The following NHLH2 variants were observed in gnomAD, a reference collection of about 807,000 sequenced individuals.
The protein encoded by NHLH2 is helix-loop-helix protein 2.
Under a neutral mutation model 7.3 loss-of-function variants are expected in NHLH2, and 7 were observed. The observed-to-expected ratio is 0.96, with a 90% confidence interval of 0.55 to 1.81. NHLH2 has a LOEUF of 1.81. NHLH2 is among the 40% of genes most tolerant of loss of function. The pLI is 0.00. For synonymous variants in NHLH2, 93 were observed against 91.6 expected, an observed-to-expected ratio of 1.01 and a Z score of -0.09; for missense variants, 155 against 194.0, an observed-to-expected ratio of 0.80 and a Z score of 1.19.
intron 2 of NHLH2, 144 bp from the exon 3 acceptor site, chr1:115,838,524 G>T: frequency 1.1e-6 from 1 of 888,294 alleles, no homozygotes; most frequent in East Asian, 2.9e-5. Flanking sequence ...CGCGACGCGG[G>T]AGGGCGCCGA....
At chr1:115,832,388 A>G (rs1400124737), downstream of NHLH2, among the ~76,000 whole-genome samples, 1 of 152,246 alleles carries the variant, frequency 6.6e-6, no homozygotes, top group Non-Finnish European at 1.5e-5. Context: ...AATCATTACT[A>G]TATTAAAGAA....
At chr1:115,835,922 T>C (rs974129366), downstream of NHLH2, among the ~76,000 whole-genome samples, 5 of 152,118 alleles carry the variant, frequency 3.3e-5, no homozygotes, top group Non-Finnish European at 7.4e-5. Context: ...ACAATAGTAA[T>C]ACACACCTTG....
At chr1:115,833,467 A>G (rs1650796671), downstream of NHLH2, among the ~76,000 whole-genome samples, 1 of 151,482 alleles carries the variant, frequency 6.6e-6, no homozygotes, top group Admixed American at 6.6e-5. Context: ...GGAAAGATGC[A>G]GTGCAGGCAC....
At position 115,837,928 on chromosome 1, in the gene NHLH2, A is replaced by G; in HGVS notation, c.*37T>C. On this transcript the variant is annotated 3_prime_UTR_variant, in exon 3 of 3. Transcript: ENST00000320238. ...CGTCCGGATCCGTAGCGTTTCGCGG[A>G]CGCCGGGACAGGCGGCCCCCCGCGG... 3.2e-6 allele frequency: 5 copies of G among 1,575,250 alleles called. No homozygotes were observed. Among genetic ancestry groups the G allele is most frequent in the African/African-American group, 1.4e-5 (1 of 71,406 alleles).
Position 115,838,109 on chromosome 1 carries a change from G to A in NHLH2, c.264C>T (p.Ile88=). 1.2e-6 allele frequency: 2 copies of A among 1,606,432 alleles called. No homozygotes were observed. The highest frequency in any genetic ancestry group is 1.4e-5 in the African/African-American group (1 of 73,612). ...YRSAHATRER[I]RVEAFNLAFA... is the part of the protein sequence containing the mutation. ...AGGCCAAGTTGAAGGCTTCCACGCGGATGCGCTCGCGGGTGGCGTGGGCCG... is the reference window on the plus strand; with the variant it reads ...AGGCCAAGTTGAAGGCTTCCACGCGAATGCGCTCGCGGGTGGCGTGGGCCG... Residue 88 remains isoleucine, a synonymous_variant, in exon 3 of 3, where the codon ATC becomes ATT. Transcript: ENST00000320238.
At position 115,837,958 on chromosome 1, in the gene NHLH2, C is replaced by T; in HGVS notation, c.*7G>A. On this transcript the variant is annotated 3_prime_UTR_variant, in exon 3 of 3. Transcript: ENST00000320238. Reference sequence around the variant, plus strand: ...GGGACAGGCGGCCCCCCGCGGCGCACCCCGCCCTACACGTCCAGGACGTGG... The same window carrying T: ...GGGACAGGCGGCCCCCCGCGGCGCATCCCGCCCTACACGTCCAGGACGTGG... The T allele has an allele frequency of 1.3e-6, 2 of 1,592,784 alleles. No homozygotes were observed. Among genetic ancestry groups the T allele is most frequent in the Non-Finnish European group, 1.7e-6 (2 of 1,171,674 alleles).
rs781311182 is a variant in NHLH2 at position 115,836,936 on chromosome 1, T to G, written c.*1029A>C. The G allele has an allele frequency of 6.6e-6, 1 of 152,340 alleles. No individual in the cohort carries two copies. Among genetic ancestry groups the G allele is most frequent in the Non-Finnish European group, 1.5e-5 (1 of 68,040 alleles). The allele number at this position is 152,340 out of a possible 1,614,324, so 9.4% of individuals were successfully genotyped here. On this transcript the variant is annotated 3_prime_UTR_variant, in exon 3 of 3. Coordinates refer to ENST00000320238, the MANE Select transcript of NHLH2 (RefSeq NM_005599.3). ...TAGAAACAGGGAGAAGTGGGAAATT[T>G]GTTATACAAGTGCAATATAATTAGA... is the stretch of plus-strand genomic sequence containing the variant.
downstream of NHLH2, among the ~76,000 whole-genome samples, chr1:115,834,536 G>A (rs1650821393): frequency 6.6e-6 from 1 of 152,166 alleles, no homozygotes; most frequent in Admixed American, 6.5e-5. Flanking sequence ...AAAAGAAAAG[G>A]CAGTGCCAGT....
At chr1:115,831,953 T>A (rs951943413), downstream of NHLH2, among the ~76,000 whole-genome samples, 15 of 151,680 alleles carry the variant, frequency 9.9e-5, no homozygotes, top group African/African-American at 3.1e-4. Flanking sequence ...TTACCCCTTG[T>A]CGTCCTTAAC....
chr1:115,831,848 G>C (rs893770014), downstream of NHLH2, among the ~76,000 whole-genome samples: 1 of 151,936 alleles, frequency 6.6e-6, no homozygotes, highest in African/African-American at 2.4e-5. Context: ...CCTGAACCTG[G>C]GAGGTGGAGG....
chr1:115,836,056 G>T (rs1310466337), downstream of NHLH2, among the ~76,000 whole-genome samples: 1 of 152,134 alleles, frequency 6.6e-6, no homozygotes, highest in African/African-American at 2.4e-5. Flanking sequence ...ACTCTAATTT[G>T]AAGAGGCTGG....
Position 115,838,360 on chromosome 1 carries a change from G to C in NHLH2, c.13C>G (p.Pro5Ala). 1 of 1,609,152 alleles carries C rather than the reference G, an allele frequency of 6.2e-7. No homozygotes were observed. Among genetic ancestry groups the C allele is most frequent in the East Asian group, 2.2e-5 (1 of 44,718 alleles). MMLSPDQAADSDHPS... is the reference protein window; with the variant it reads MMLSADQAADSDHPS... ...TGGTCCGAATCTGCTGCTTGGTCCGGACTCAGCATCATTTTGGAGGCTGAG... is the reference window on the plus strand; with the variant it reads ...TGGTCCGAATCTGCTGCTTGGTCCGCACTCAGCATCATTTTGGAGGCTGAG... Residue 5 changes from proline to alanine, a missense_variant, in exon 3 of 3, where the codon CCG becomes GCG. By Grantham distance (27) the Pro-to-Ala change is conservative (BLOSUM62 -1). Around this residue, in one of 2 missense-constraint regions of NHLH2, gnomAD observed 91 missense variants for 86.6 expected, o/e 1.05. Transcript: ENST00000320238.
In NHLH2 at chr1:115,837,931, C is replaced by T. The variant is rs377353972; in HGVS notation, c.*34G>A. On this transcript the variant is annotated 3_prime_UTR_variant, in exon 3 of 3. Transcript: ENST00000320238. ...CCGGATCCGTAGCGTTTCGCGGACG[C>T]CGGGACAGGCGGCCCCCCGCGGCGC... 6.3e-7 allele frequency: 1 copy of T among 1,579,162 alleles called. No individual in the cohort carries two copies. The highest frequency in any genetic ancestry group is 8.6e-7 in the Non-Finnish European group (1 of 1,164,992).
At chr1:115,834,108 C>T (rs1650812886), downstream of NHLH2, among the ~76,000 whole-genome samples, 1 of 152,210 alleles carries the variant, frequency 6.6e-6, no homozygotes, top group Admixed American at 6.5e-5. Context: ...TCTCCTCAGT[C>T]GGCCCTTCCT....
chr1:115,839,080 AG>A (rs1479555548), intron 2 of NHLH2: 29 of 167,354 alleles, frequency 1.7e-4, no homozygotes, highest in African/African-American at 6.2e-4. Context: ...GCCTTTAAAA[AG>A]AAAATTGACT....
downstream of NHLH2, among the ~76,000 whole-genome samples, chr1:115,832,004 C>T (rs893267384): frequency 2.0e-5 from 3 of 152,074 alleles, no homozygotes; most frequent in Non-Finnish European, 2.9e-5. Flanking sequence ...TGTGAGTGCC[C>T]GCTCATCCCC....
At chr1:115,839,009 C>T (rs1194568588) in intron 2 of NHLH2, 1 of 167,074 alleles carries the variant, frequency 6.0e-6, no homozygotes, top group Non-Finnish European at 1.5e-5. Context: ...GGCGGGAAGG[C>T]TTCTTGGACC....
intron 2 of NHLH2, chr1:115,838,678 A>G (rs1650960701): frequency 8.3e-6 from 3 of 361,386 alleles, no homozygotes; most frequent in Admixed American, 1.0e-4. Flanking sequence ...GGCCTGGGGA[A>G]CAACCGCAGG....
Position 115,838,386 on chromosome 1 carries a change from G to C in NHLH2, c.-8-6C>G, listed in dbSNP as rs1251335468. Reference sequence around the variant, plus strand: ...ACTCAGCATCATTTTGGAGGCTGAGGAGGGGTCGGAAAATTAATCAGTAAA... The same window carrying C: ...ACTCAGCATCATTTTGGAGGCTGAGCAGGGGTCGGAAAATTAATCAGTAAA... On this transcript the variant is annotated splice_polypyrimidine_tract_variant and splice_region_variant and intron_variant, in intron 2 of 2. Transcript: ENST00000320238. The C allele has an allele frequency of 1.2e-6, 2 of 1,608,084 alleles. No homozygotes were observed. Among genetic ancestry groups the C allele is most frequent in the East Asian group, 4.5e-5 (2 of 44,628 alleles).
Sources: allele counts gnomAD v4.1 joint callset (sites outside exome capture counted in the v4.1 genomes callset), GRCh38; gene constraint gnomAD v4.1.1; regional missense constraint gnomAD v4.1.1; transcripts MANE v1.5; gene names NCBI Gene and HGNC (gene_info 2026-07-23, HGNC 2026-07-21).